GRAMD1B: variants seen among roughly 807,000 people sequenced by gnomAD.
GRAMD1B encodes the protein GRAM domain containing 1B, also known as protein Aster-B.
GRAMD1B carries 37 observed loss-of-function variants against 99.7 expected under a neutral mutation model. The ratio of observed to expected loss-of-function variants is 0.37; its 90% CI spans 0.29 to 0.49. The LOEUF is 0.49. Among genes scored for constraint, GRAMD1B ranks in the 20% least tolerant of loss-of-function variants. The pLI is 0.98. For synonymous variants in GRAMD1B, 427 were observed against 387.6 expected, an observed-to-expected ratio of 1.10 and a Z score of -1.19; for missense variants, 888 against 1,009.2, an observed-to-expected ratio of 0.88 and a Z score of 1.63.
At chr11:123,373,586 T>C (rs1946600630) in intron 1 of GRAMD1B, among the ~76,000 whole-genome samples, 1 of 152,188 alleles carries the variant, frequency 6.6e-6, no homozygotes, top group South Asian at 2.1e-4. Context: ...AGAAAAGGCA[T>C]AGTGGAAGAG....
In GRAMD1B at chr11:123,603,439, A is replaced by G; in HGVS notation, c.1064A>G (p.Lys355Arg). The G allele has an allele frequency of 6.2e-7, 1 of 1,609,148 alleles. No individual in the cohort carries two copies. The highest frequency in any genetic ancestry group is 8.5e-7 in the Non-Finnish European group (1 of 1,175,404). The change falls in exon 9 of 20, where the codon AAG becomes AGG. Residue 355 changes from lysine (K) to arginine (R), a missense_variant. Lys to Arg is a conservative substitution (Grantham distance 26). Coordinates refer to ENST00000635736, the MANE Select transcript of GRAMD1B (RefSeq NM_001387025.1). ...TCTCCCCTGAAGCCTCTGTGTCCCAAGGAGCTCTGGCACTTTGTTCACCAG... is the reference window on the plus strand; with the variant it reads ...TCTCCCCTGAAGCCTCTGTGTCCCAGGGAGCTCTGGCACTTTGTTCACCAG... ...NALLEKPLCPKELWHFVHQCY... is the reference protein window; with the variant it reads ...NALLEKPLCPRELWHFVHQCY...
In GRAMD1B at chr11:123,522,843, C is replaced by T. The variant is rs115581498; in HGVS notation, c.452+41950C>T. ...AGAAGAGATTTAGTCTTGATTTAGT[C>T]TCTTTTTTAACTGTTACCTGGATTC... On this transcript the variant is annotated intron_variant, in intron 2 of 19. Transcript: ENST00000635736. 9.3e-3 allele frequency among the ~76,000 whole-genome samples: 1,412 copies of T among 152,304 alleles called. 19 individuals are homozygous for T. Among genetic ancestry groups the T allele is most frequent in the African/African-American group, 0.032 (1,328 of 41,568 alleles).
intron 1 of GRAMD1B, among the ~76,000 whole-genome samples, chr11:123,388,944 G>C (rs894062709): frequency 6.6e-6 from 1 of 152,096 alleles, no homozygotes; most frequent in Admixed American, 6.6e-5. Context: ...CATTCAGTCC[G>C]GGGATCAAGG....
intron 1 of GRAMD1B, among the ~76,000 whole-genome samples, chr11:123,359,957 G>C (rs1240437219): frequency 6.6e-6 from 1 of 152,072 alleles, no homozygotes; most frequent in African/African-American, 2.4e-5. Flanking sequence ...CCTTCTCCTG[G>C]GAACTTTTGG....
intron 1 of GRAMD1B, among the ~76,000 whole-genome samples, chr11:123,415,414 C>T (rs1948202383): frequency 1.3e-5 from 2 of 151,962 alleles, no homozygotes; most frequent in African/African-American, 4.8e-5. Flanking sequence ...GCTGCCTTTT[C>T]TTTGGGCCCC....
At chr11:123,387,741 A>G (rs961885684) in intron 1 of GRAMD1B, among the ~76,000 whole-genome samples, 2 of 34,972 alleles carry the variant, frequency 5.7e-5, no homozygotes, top group African/African-American at 2.5e-4. Flanking sequence ...CCCGCCCCAC[A>G]AGTAGCCTGT....
chr11:123,473,878 G>C (rs1427248880), intron 1 of GRAMD1B, among the ~76,000 whole-genome samples: 7 of 152,184 alleles, frequency 4.6e-5, no homozygotes, highest in Non-Finnish European at 8.8e-5. Context: ...CTGCTTGCCA[G>C]GTGGCACACA....
chr11:123,586,219 C>T (rs1347284506), intron 4 of GRAMD1B, among the ~76,000 whole-genome samples: 1 of 152,148 alleles, frequency 6.6e-6, no homozygotes, highest in African/African-American at 2.4e-5. Context: ...TGAGAGCCAG[C>T]GGAGGAGCTG....
intron 19 of GRAMD1B, among the ~76,000 whole-genome samples, chr11:123,621,855 G>T (rs201806534): frequency 1.4e-5 from 2 of 138,912 alleles, no homozygotes; most frequent in Non-Finnish European, 3.3e-5. Context: ...ATGCTAGATT[G>T]TCTTTCTTTC....
At chr11:123,549,238 C>T (rs1196465064) in intron 2 of GRAMD1B, among the ~76,000 whole-genome samples, 3 of 152,138 alleles carry the variant, frequency 2.0e-5, no homozygotes, top group Non-Finnish European at 1.5e-5. Flanking sequence ...ACTTGCAGAG[C>T]TGTGAGATGA....
chr11:123,385,690 C>T (rs1302490321), intron 1 of GRAMD1B, among the ~76,000 whole-genome samples: 1 of 152,128 alleles, frequency 6.6e-6, no homozygotes, highest in African/African-American at 2.4e-5. Context: ...CCCTCTTCTC[C>T]CCCTTAGTAT....
At chr11:123,512,417 T>A (rs979510987) in intron 2 of GRAMD1B, among the ~76,000 whole-genome samples, 2 of 152,228 alleles carry the variant, frequency 1.3e-5, no homozygotes, top group Non-Finnish European at 1.5e-5. Context: ...AAGGTCTGTT[T>A]AGTTTCTATT....
chr11:123,394,513 A>G (rs182158664), intron 1 of GRAMD1B, among the ~76,000 whole-genome samples: 4 of 152,224 alleles, frequency 2.6e-5, no homozygotes, highest in Admixed American at 2.6e-4. Context: ...CCTCCATAGT[A>G]CTTTTTACCT....
At chr11:123,525,946 C>A in intron 2 of GRAMD1B, 1 of 589,924 alleles carries the variant, frequency 1.7e-6, no homozygotes, top group Non-Finnish European at 3.1e-6. Flanking sequence ...CAGCTTTCAG[C>A]TGGGAGAGGG....
At chr11:123,589,579 G>T (rs1950415915) in intron 4 of GRAMD1B, among the ~76,000 whole-genome samples, 1 of 147,406 alleles carries the variant, frequency 6.8e-6, no homozygotes, top group African/African-American at 2.6e-5. Context: ...GAGTAGCTGG[G>T]ATTACAGACA....
At chr11:123,573,537 ACAAT>A (rs1329325228) in intron 2 of GRAMD1B, among the ~76,000 whole-genome samples, 3 of 152,196 alleles carry the variant, frequency 2.0e-5, no homozygotes, top group African/African-American at 7.2e-5. Context: ...AATGAGCTTG[ACAAT>A]CAGATAGGCC....
intron 1 of GRAMD1B, among the ~76,000 whole-genome samples, chr11:123,391,040 G>A (rs1258653540): frequency 2.0e-5 from 3 of 152,204 alleles, no homozygotes; most frequent in Non-Finnish European, 2.9e-5. Context: ...CATGGCCTGT[G>A]CCACTCTAAA....
At position 123,625,574 on chromosome 11, in the gene GRAMD1B, G is replaced by A. The variant is rs1955452601; in HGVS notation, c.*2979G>A. ...ATCAGCTGCTTGAAGCTCTGTGTAA[G>A]AGCACTGCACTGACGGTTTGGAGAC... On this transcript the variant is annotated 3_prime_UTR_variant, in exon 20 of 20. Transcript: ENST00000635736. 6.6e-6 allele frequency: 1 copy of A among 152,232 alleles called. No homozygotes were observed. The highest frequency in any genetic ancestry group is 2.1e-4 in the South Asian group (1 of 4,822). The allele number at this position is 152,232 out of a possible 1,614,324, so 9.4% of individuals were successfully genotyped here. A position where few individuals can be genotyped will look rare whatever the true frequency, so the allele number is the denominator to read the frequency against.
intron 16 of GRAMD1B, 76 bp downstream of exon 16, chr11:123,613,734 A>G (rs1003158444): frequency 8.0e-6 from 8 of 1,003,568 alleles, no homozygotes; most frequent in Non-Finnish European, 1.2e-5. Flanking sequence ...AGGCACACAC[A>G]TGCACACTCA....
Sources: allele counts gnomAD v4.1 joint callset (sites outside exome capture counted in the v4.1 genomes callset), GRCh38; gene constraint gnomAD v4.1.1; transcripts MANE v1.5; gene names NCBI Gene and HGNC (gene_info 2026-07-23, HGNC 2026-07-21).